The following DTNBP1 variants were observed in gnomAD, a reference collection of about 807,000 sequenced individuals.
DTNBP1 encodes the protein dystrobrevin binding protein 1, also known as dysbindin.
Under a neutral mutation model 42.8 loss-of-function variants are expected in DTNBP1, and 35 were observed. That is an observed-to-expected ratio of 0.82 (90% CI 0.63 to 1.09). The LOEUF is 1.09. Ranked by LOEUF, DTNBP1 falls within the 50% of genes least tolerant of loss-of-function variation. The probability of loss-of-function intolerance (pLI) is 0.00; values close to 1 mark genes in which losing one functional copy is unlikely to be tolerated. For synonymous variants in DTNBP1, 171 were observed against 162.2 expected (o/e 1.05, Z -0.41); for missense variants, 457 against 424.2 (o/e 1.08, Z -0.68).
chr6:15,640,099 CTG>C (rs1760255918), intron 3 of DTNBP1, among the ~76,000 whole-genome samples: 1 of 152,214 alleles, frequency 6.6e-6, no homozygotes. Flanking sequence ...TTCATATTCT[CTG>C]CTCTACTTTT....
chr6:15,554,739 T>C lies in DTNBP1; in HGVS notation c.512-21344A>G, dbSNP rs962182923. On this transcript the variant is annotated intron_variant, in intron 7 of 9. Coordinates refer to ENST00000344537, the MANE Select transcript of DTNBP1 (RefSeq NM_032122.5). Reference sequence around the variant, plus strand: ...TGCAACGGAGCTTCATGCTCCTTCATGGGACTGATGTACAAAAAAATGGTG... The same window carrying C: ...TGCAACGGAGCTTCATGCTCCTTCACGGGACTGATGTACAAAAAAATGGTG... 4.0e-5 allele frequency among the ~76,000 whole-genome samples: 6 copies of C among 151,464 alleles called. No homozygotes were observed. In the East Asian group the frequency reaches 9.6e-4, roughly 24 times the overall value.
chr6:15,545,951 G>A (rs1489627098), intron 7 of DTNBP1: 1 of 387,774 alleles, frequency 2.6e-6, no homozygotes, highest in Non-Finnish European at 5.1e-6. Flanking sequence ...AGCTCAGGCA[G>A]GCGGGTCTCA....
At position 15,627,292 on chromosome 6, in the gene DTNBP1, CA is replaced by C. The variant is rs745734006; in HGVS notation, c.355+50del. 1.9e-6 allele frequency: 3 copies of C among 1,605,384 alleles called. No homozygotes were observed. In the East Asian group the frequency reaches 6.7e-5, roughly 36 times the overall value. Reference sequence around the variant, plus strand: ...CTCTGAAATTACACCAAACCCTGCCCAAGTTGTTTTCATTCCTAAAAGTAAT... The same window carrying C: ...CTCTGAAATTACACCAAACCCTGCCCAGTTGTTTTCATTCCTAAAAGTAAT... On this transcript the variant is annotated intron_variant, in intron 5 of 9. Transcript: ENST00000344537.
intron 7 of DTNBP1, chr6:15,546,044 C>A (rs191384800): frequency 4.5e-6 from 2 of 439,694 alleles, no homozygotes; most frequent in Non-Finnish European, 9.0e-6. Flanking sequence ...GAATATGGAT[C>A]GGAAGGTCAC....
Position 15,627,457 on chromosome 6 carries a change from C to T in DTNBP1, c.241G>A (p.Val81Ile). The T allele has an allele frequency of 3.7e-6, 6 of 1,613,920 alleles. No individual in the cohort carries two copies. The highest frequency in any genetic ancestry group is 5.1e-6 in the Non-Finnish European group (6 of 1,179,950). Reference sequence around the variant, plus strand: ...TTCTCCCAGTGCGCAGAAAGCATGACCACCTCGCTATCCACCAGCTGCAGC... The same window carrying T: ...TTCTCCCAGTGCGCAGAAAGCATGATCACCTCGCTATCCACCAGCTGCAGC... ...SAGELVDSEV[V>I]MLSAHWEKKK... Residue 81 changes from valine (V) to isoleucine (I), a missense_variant, in exon 5 of 10, where the codon GTC becomes ATC. Physicochemically the swap from Val to Ile is conservative, Grantham distance 29. Transcript: ENST00000344537.
At chr6:15,554,814 G>A (rs1774417609) in intron 7 of DTNBP1, among the ~76,000 whole-genome samples, 1 of 152,186 alleles carries the variant, frequency 6.6e-6, no homozygotes, top group African/African-American at 2.4e-5. Flanking sequence ...GTCAAAAGGT[G>A]AAGAAGACCA....
intron 7 of DTNBP1, among the ~76,000 whole-genome samples, chr6:15,543,755 A>T (rs1773713881): frequency 6.6e-6 from 1 of 152,082 alleles, no homozygotes; most frequent in Admixed American, 6.5e-5. Flanking sequence ...GTCCTTAGGC[A>T]TCCTTAGTCA....
chr6:15,548,438 G>GACACACACACACACACACACACAC (rs3045754), intron 7 of DTNBP1: 1 of 136,592 alleles, frequency 7.3e-6, no homozygotes, highest in African/African-American at 2.8e-5. Context: ...AACACACACA[G>GACACACACACACACACACACACAC]ACACACACAC....
chr6:15,525,987 A>G (rs1772357488), intron 8 of DTNBP1, among the ~76,000 whole-genome samples: 1 of 152,238 alleles, frequency 6.6e-6, no homozygotes, highest in Non-Finnish European at 1.5e-5. Context: ...AAGGCTCTCT[A>G]AAAGGCAGCC....
At chr6:15,567,187 G>A (rs191428666) in intron 7 of DTNBP1, among the ~76,000 whole-genome samples, 52 of 152,140 alleles carry the variant, frequency 3.4e-4, no homozygotes, top group African/African-American at 1.3e-3. Flanking sequence ...GAGTGCAGGG[G>A]CTCATGCCTG....
chr6:15,574,762 G>A (rs1008130980), intron 7 of DTNBP1, among the ~76,000 whole-genome samples: 1 of 152,000 alleles, frequency 6.6e-6, no homozygotes, highest in African/African-American at 2.4e-5. Flanking sequence ...ACTTGGTCAT[G>A]AAAAAAACGC....
intron 8 of DTNBP1, among the ~76,000 whole-genome samples, chr6:15,531,791 G>A (rs1432283570): frequency 1.3e-5 from 2 of 152,090 alleles, no homozygotes; most frequent in Non-Finnish European, 2.9e-5. Context: ...ATGTCACCAC[G>A]CCCAGCTAAT....
chr6:15,543,230 C>G (rs1174781621), intron 7 of DTNBP1, among the ~76,000 whole-genome samples: 1 of 152,094 alleles, frequency 6.6e-6, no homozygotes, highest in Non-Finnish European at 1.5e-5. Context: ...ATTTTTAAAG[C>G]TTTTTACTTC....
intron 6 of DTNBP1, among the ~76,000 whole-genome samples, chr6:15,597,511 T>C (rs1049091010): frequency 2.0e-5 from 3 of 152,234 alleles, no homozygotes; most frequent in African/African-American, 7.2e-5. Context: ...AAAATGCTAA[T>C]AATAATAATT....
chr6:15,615,199 T>G, intron 6 of DTNBP1, 68 bp downstream of exon 6: 1 of 1,603,898 alleles, frequency 6.2e-7, no homozygotes, highest in Non-Finnish European at 8.5e-7. Flanking sequence ...TTCTAAAGAG[T>G]AGCATGTAAA....
chr6:15,585,445 TA>T (rs201453910), intron 7 of DTNBP1, among the ~76,000 whole-genome samples: 457 of 139,500 alleles, frequency 3.3e-3, no homozygotes, highest in South Asian at 5.2e-3. Flanking sequence ...ACACATATTG[TA>T]AAAAAAAAAA....
rs146658716 is a variant in DTNBP1, at chr6:15,552,128, A to G, written c.512-18733T>C. On this transcript the variant is annotated intron_variant, in intron 7 of 9. Transcript: ENST00000344537. ...TGACATCAGACTGGTCCATGGAATC[A>G]GTGCAGGAGGTATCCAAAAACACCT... Among the ~76,000 whole-genome samples the G allele has an allele frequency of 1.4e-3, 214 of 152,340 alleles. 1 individual carries two copies. The highest frequency in any genetic ancestry group is 4.9e-3 in the African/African-American group (203 of 41,576).
chr6:15,530,292 G>A (rs757636826), intron 8 of DTNBP1, among the ~76,000 whole-genome samples: 1 of 152,174 alleles, frequency 6.6e-6, no homozygotes, highest in African/African-American at 2.4e-5. Context: ...TGAGATGCCC[G>A]ATTCCCGTGT....
At chr6:15,611,703 G>C (rs1389645498) in intron 6 of DTNBP1, among the ~76,000 whole-genome samples, 1 of 152,178 alleles carries the variant, frequency 6.6e-6, no homozygotes, top group Admixed American at 6.5e-5. Flanking sequence ...GGATGACTCT[G>C]ACAGGTTCAA....
Sources: gnomAD v4.1 joint callset for allele counts (sites outside exome capture counted in the v4.1 genomes callset) on GRCh38, gnomAD v4.1.1 for gene constraint, MANE v1.5 for transcripts, NCBI Gene and HGNC (gene_info 2026-07-23, HGNC 2026-07-21) for gene names.